COX6B1: variants seen among roughly 807,000 people sequenced by gnomAD.
COX6B1 encodes the protein COX VIb-1.
In COX6B1, 2 loss-of-function variants were observed where a neutral mutation model predicts 14.0. That is an observed-to-expected ratio of 0.14 (90% CI 0.06 to 0.45). The LOEUF is 0.45. COX6B1 is among the 20% of genes least tolerant of loss of function. COX6B1 has a pLI of 0.98. For missense variants in COX6B1, 81 were observed against 114.2 expected (o/e 0.71, Z 1.33); for synonymous variants, 30 against 39.7 (o/e 0.76, Z 0.92).
At chr19:35,653,611 C>T (rs1464693317) in intron 2 of COX6B1, among the ~76,000 whole-genome samples, 4 of 139,318 alleles carry the variant, frequency 2.9e-5, no homozygotes, top group African/African-American at 8.2e-5. Flanking sequence ...GATGGAGTCT[C>T]GCTCTGTCGC....
chr19:35,657,828 T>A (rs1057470259), intron 3 of COX6B1, among the ~76,000 whole-genome samples: 1 of 151,952 alleles, frequency 6.6e-6, no homozygotes, highest in African/African-American at 2.4e-5. Context: ...GGCTAAGTTT[T>A]GTATTTTTTG....
intron 3 of COX6B1, among the ~76,000 whole-genome samples, chr19:35,657,653 T>TTTTC (rs1479346832): frequency 2.0e-5 from 3 of 147,060 alleles, no homozygotes; most frequent in Non-Finnish European, 4.5e-5. Context: ...CCTTTTCATT[T>TTTTC]TTTTTTTTTT....
intron 3 of COX6B1, 79 bp from the exon 4 acceptor site, chr19:35,658,515 G>C: frequency 1.5e-6 from 2 of 1,320,152 alleles, no homozygotes; most frequent in East Asian, 2.3e-5. Flanking sequence ...TGAACAAACA[G>C]GTGGGCAAAG....
At chr19:35,655,003 C>CA (rs1364270975) in intron 3 of COX6B1, among the ~76,000 whole-genome samples, 1 of 150,334 alleles carries the variant, frequency 6.7e-6, no homozygotes, top group Non-Finnish European at 1.5e-5. Flanking sequence ...TTATTAGGAA[C>CA]ATTTTTTTTT....
intron 3 of COX6B1, among the ~76,000 whole-genome samples, chr19:35,657,600 G>A (rs1301653132): frequency 1.3e-5 from 2 of 149,712 alleles, no homozygotes; most frequent in South Asian, 4.2e-4. Flanking sequence ...AGAGTAGAGT[G>A]TTACTTTCAG....
Position 35,658,680 on chromosome 19 carries a change from T to C in COX6B1, c.*33T>C. On this transcript the variant is annotated 3_prime_UTR_variant, in exon 4 of 4. Coordinates refer to ENST00000649813, the MANE Select transcript of COX6B1 (RefSeq NM_001863.5). ...GCATCTCCCTTTCCTCTGTCCTCCA[T>C]CCTTCTCCCAGGATGGTGAAGGGGG... The C allele has an allele frequency of 6.2e-7, 1 of 1,607,660 alleles. No homozygotes were observed. The highest frequency in any genetic ancestry group is 8.5e-7 in the Non-Finnish European group (1 of 1,174,316).
At chr19:35,649,479 ATTTT>A (rs59460933) in intron 1 of COX6B1, among the ~76,000 whole-genome samples, 2 of 135,162 alleles carry the variant, frequency 1.5e-5, no homozygotes, top group South Asian at 4.7e-4. Context: ...GCTAATTTTA[ATTTT>A]TTTTTTTTTT....
chr19:35,649,789 AT>A (rs1234650454), intron 1 of COX6B1, among the ~76,000 whole-genome samples: 1 of 150,050 alleles, frequency 6.7e-6, no homozygotes, highest in Non-Finnish European at 1.5e-5. Context: ...CAATTTTAAT[AT>A]TTTTTTTGTA....
intron 3 of COX6B1, among the ~76,000 whole-genome samples, chr19:35,655,490 G>A (rs370604282): frequency 3.9e-5 from 6 of 151,970 alleles, no homozygotes; most frequent in African/African-American, 7.3e-5. Flanking sequence ...TCCCAGACAC[G>A]TCATTTCACC....
At chr19:35,657,932 T>C (rs1359857921) in intron 3 of COX6B1, among the ~76,000 whole-genome samples, 2 of 151,926 alleles carry the variant, frequency 1.3e-5, no homozygotes, top group African/African-American at 2.4e-5. Flanking sequence ...GCTGGAATTA[T>C]AGGCGTGAGC....
At chr19:35,658,556 T>C in intron 3 of COX6B1, 38 bp from the exon 4 acceptor site, 1 of 1,591,912 alleles carries the variant, frequency 6.3e-7, no homozygotes, top group Non-Finnish European at 8.6e-7. Flanking sequence ...TCCGTTCAGT[T>C]TCCCCACTGC....
chr19:35,657,103 G>A (rs988637304), intron 3 of COX6B1, among the ~76,000 whole-genome samples: 1 of 151,948 alleles, frequency 6.6e-6, no homozygotes, highest in Non-Finnish European at 1.5e-5. Context: ...TACATTTATT[G>A]TCCACTTTAT....
chr19:35,651,416 C>A, intron 2 of COX6B1, 67 bp downstream of exon 2: 1 of 1,183,708 alleles, frequency 8.4e-7, no homozygotes, highest in Non-Finnish European at 1.3e-6. Context: ...CTAGGGGACC[C>A]ATCCACCCCA....
chr19:35,651,144 C>A, intron 1 of COX6B1, 89 bp from the exon 2 acceptor site: 1 of 806,484 alleles, frequency 1.2e-6, no homozygotes, highest in Non-Finnish European at 2.2e-6. Flanking sequence ...CCCATTGTTC[C>A]GTGCCTGCCC....
chr19:35,649,469 G>A (rs1286855739), intron 1 of COX6B1, among the ~76,000 whole-genome samples: 1 of 149,246 alleles, frequency 6.7e-6, no homozygotes, highest in African/African-American at 2.5e-5. Context: ...ACCACACCTG[G>A]CTAATTTTAA....
At chr19:35,655,278 T>A (rs951672022) in intron 3 of COX6B1, among the ~76,000 whole-genome samples, 2 of 152,186 alleles carry the variant, frequency 1.3e-5, no homozygotes, top group Non-Finnish European at 2.9e-5. Flanking sequence ...TCCACCTGCC[T>A]CGGCCTCCCA....
At chr19:35,656,479 C>A (rs1599623483) in intron 3 of COX6B1, among the ~76,000 whole-genome samples, 2 of 122,598 alleles carry the variant, frequency 1.6e-5, no homozygotes, top group East Asian at 5.0e-4. Context: ...GTTGTTAGAC[C>A]TTTTTTTTTT....
intron 3 of COX6B1, among the ~76,000 whole-genome samples, chr19:35,657,657 T>TC (rs2146374199): frequency 6.7e-6 from 1 of 148,788 alleles, no homozygotes; most frequent in South Asian, 2.2e-4. Context: ...TTCATTTTTT[T>TC]TTTTTTTTTT....
At position 35,651,247 on chromosome 19, in the gene COX6B1, G is replaced by T. The variant is rs1227541058; in HGVS notation, c.4G>T (p.Ala2Ser). The T allele has an allele frequency of 1.2e-6, 2 of 1,613,026 alleles. No individual in the cohort carries two copies. The highest frequency in any genetic ancestry group is 1.1e-5 in the South Asian group (1 of 91,054). Residue 2 changes from alanine (A) to serine (S), a missense_variant, in exon 2 of 4, where the codon GCG becomes TCG. Transcript: ENST00000649813. MAEDMETKIKNY... is the reference protein window; with the variant it reads MSEDMETKIKNY... ...TTCGCCTCCAGGATTCAGCACCATG[G>T]CGGAAGACATGGAGACCAAAATCAA... is the stretch of plus-strand genomic sequence containing the variant.
Sources: allele counts gnomAD v4.1 joint callset (sites outside exome capture counted in the v4.1 genomes callset), GRCh38; gene constraint gnomAD v4.1.1; transcripts MANE v1.5; gene names NCBI Gene and HGNC (gene_info 2026-07-23, HGNC 2026-07-21).